Variants in CARMIL1 observed in about 807,000 individuals in gnomAD.
CARMIL1 encodes F-actin-uncapping protein LRRC16A.
A neutral mutation model predicts 177.1 loss-of-function variants in CARMIL1; 90 were observed. The ratio of observed to expected loss-of-function variants is 0.51; its 90% confidence interval spans 0.43 to 0.61. CARMIL1 has a LOEUF of 0.61. Among genes scored for constraint, CARMIL1 ranks in the 20% least tolerant of loss-of-function variants. The pLI is 0.00. For missense variants in CARMIL1, 1,380 were observed against 1,667.0 expected (o/e 0.83, Z 3.00); for synonymous variants, 577 against 606.2 (o/e 0.95, Z 0.71).
At chr6:25,454,252 AC>A (rs1030118862) in intron 8 of CARMIL1, among the ~76,000 whole-genome samples, 8 of 152,106 alleles carry the variant, frequency 5.3e-5, no homozygotes, top group African/African-American at 1.7e-4. Flanking sequence ...GATTTGGAAA[AC>A]TTTTTTTTTG....
At chr6:25,346,442 C>T (rs186379640) in intron 2 of CARMIL1, among the ~76,000 whole-genome samples, 107 of 152,346 alleles carry the variant, frequency 7.0e-4, no homozygotes, top group Non-Finnish European at 1.2e-3. Context: ...CTTCAAATGT[C>T]ACTTTTTCAG....
Position 25,579,375 on chromosome 6 carries a change from T to G in CARMIL1, c.2743-1549T>G, listed in dbSNP as rs549285784. Among the ~76,000 whole-genome samples the G allele has an allele frequency of 2.6e-5, 4 of 152,306 alleles. No homozygotes were observed. In the South Asian group the frequency reaches 8.3e-4, roughly 32 times the overall value. On this transcript the variant is annotated intron_variant, in intron 29 of 36. Coordinates refer to ENST00000329474, the MANE Select transcript of CARMIL1 (RefSeq NM_017640.6). ...TATCTGAAGCTACTTCTTGATTATT[T>G]TACCTACCATGATTGTGCACAAGAT...
chr6:25,428,635 G>A (rs924066470), intron 4 of CARMIL1, among the ~76,000 whole-genome samples: 1 of 152,160 alleles, frequency 6.6e-6, no homozygotes, highest in African/African-American at 2.4e-5. Flanking sequence ...TCTTAGTAAT[G>A]TACAGTCTTC....
chr6:25,473,299 G>A (rs1245681516), intron 11 of CARMIL1, among the ~76,000 whole-genome samples: 2 of 152,086 alleles, frequency 1.3e-5, no homozygotes, highest in Non-Finnish European at 2.9e-5. Context: ...ACCCTTGAAC[G>A]ACACAAGAGT....
chr6:25,378,777 T>G (rs377421724), intron 2 of CARMIL1, among the ~76,000 whole-genome samples: 1 of 81,946 alleles, frequency 1.2e-5, no homozygotes, highest in African/African-American at 6.4e-5. Flanking sequence ...GTAGTAAGTT[T>G]CTGGGTTTTT....
chr6:25,327,541 A>G (rs971125865), intron 2 of CARMIL1, among the ~76,000 whole-genome samples: 13 of 152,202 alleles, frequency 8.5e-5, no homozygotes, highest in African/African-American at 2.7e-4. Context: ...GTTTTCATTG[A>G]TTTCACTGGC....
chr6:25,408,900 A>G (rs984095326), intron 2 of CARMIL1, among the ~76,000 whole-genome samples: 1 of 152,152 alleles, frequency 6.6e-6, no homozygotes, highest in African/African-American at 2.4e-5. Context: ...GGAGAGTGCT[A>G]GGCACAGTAC....
intron 2 of CARMIL1, among the ~76,000 whole-genome samples, chr6:25,376,760 T>C (rs1274882232): frequency 2.0e-5 from 3 of 152,308 alleles, no homozygotes; most frequent in Non-Finnish European, 4.4e-5. Context: ...TTCAGGCCAG[T>C]AGGAGAGATG....
At chr6:25,445,935 G>A (rs1333688836) in intron 5 of CARMIL1, among the ~76,000 whole-genome samples, 3 of 152,190 alleles carry the variant, frequency 2.0e-5, no homozygotes, top group Admixed American at 1.3e-4. Context: ...CAGAACTCTT[G>A]TGTGGCCAGG....
intron 2 of CARMIL1, among the ~76,000 whole-genome samples, chr6:25,329,280 C>T (rs1327077346): frequency 7.2e-5 from 11 of 152,284 alleles, no homozygotes; most frequent in Non-Finnish European, 1.3e-4. Flanking sequence ...TAGCAGGAAT[C>T]GGAAGAGCTG....
At position 25,472,317 on chromosome 6, in the gene CARMIL1, T is replaced by C. The variant is rs557585244; in HGVS notation, c.780-110T>C. The C allele has an allele frequency of 1.4e-5, 10 of 718,450 alleles. No homozygotes were observed. The African/African-American group carries it at 1.6e-4, about 11-fold the overall frequency. The allele number at this position is 718,450 out of a possible 1,614,324, so 44.5% of individuals were successfully genotyped here. ...GAAATATATGCTATATAGACTAATA[T>C]TGTAAGGGAGGTTTCTCTATTTAGA... On this transcript the variant is annotated intron_variant, in intron 10 of 36. Coordinates refer to ENST00000329474, the MANE Select transcript of CARMIL1 (RefSeq NM_017640.6).
chr6:25,413,885 C>A (rs1795139544), intron 2 of CARMIL1, among the ~76,000 whole-genome samples: 1 of 152,012 alleles, frequency 6.6e-6, no homozygotes, highest in Admixed American at 6.6e-5. Context: ...AAAATTGCAG[C>A]CTAGGAGAAG....
chr6:25,351,384 T>C (rs1485900524), intron 2 of CARMIL1, among the ~76,000 whole-genome samples: 2 of 152,238 alleles, frequency 1.3e-5, no homozygotes, highest in African/African-American at 2.4e-5. Flanking sequence ...ACAGCACATA[T>C]TCTGTTTCTA....
At chr6:25,488,662 G>T in intron 13 of CARMIL1, 77 bp downstream of exon 13, 1 of 1,166,796 alleles carries the variant, frequency 8.6e-7, no homozygotes. Context: ...ACATGTCTTT[G>T]TAGTGCATTT....
At chr6:25,361,804 T>C (rs181877395) in intron 2 of CARMIL1, among the ~76,000 whole-genome samples, 1 of 152,254 alleles carries the variant, frequency 6.6e-6, no homozygotes, top group Admixed American at 6.5e-5. Context: ...AAGAGAGACC[T>C]GAGCTAGCAT....
At chr6:25,541,528 C>T (rs995970002) in intron 26 of CARMIL1, among the ~76,000 whole-genome samples, 2 of 152,156 alleles carry the variant, frequency 1.3e-5, no homozygotes, top group East Asian at 1.9e-4. Flanking sequence ...ATTATACTTT[C>T]ATATGGATTC....
intron 2 of CARMIL1, among the ~76,000 whole-genome samples, chr6:25,310,508 T>C (rs1476390045): frequency 1.3e-5 from 2 of 152,220 alleles, no homozygotes; most frequent in Admixed American, 6.5e-5. Context: ...AGGGTAAGTA[T>C]TGTTGCATGA....
At chr6:25,588,371 G>T (rs1813974680) in intron 31 of CARMIL1, among the ~76,000 whole-genome samples, 1 of 152,178 alleles carries the variant, frequency 6.6e-6, no homozygotes, top group Admixed American at 6.5e-5. Flanking sequence ...CACTACAGTT[G>T]TCAGGGATCC....
At chr6:25,418,191 G>A (rs1371598940) in intron 2 of CARMIL1, among the ~76,000 whole-genome samples, 1 of 152,094 alleles carries the variant, frequency 6.6e-6, no homozygotes, top group Non-Finnish European at 1.5e-5. Flanking sequence ...CAGTTTCCCG[G>A]GATGCAGGAT....
Sources: allele counts gnomAD v4.1 joint callset (sites outside exome capture counted in the v4.1 genomes callset), GRCh38; gene constraint gnomAD v4.1.1; transcripts MANE v1.5; gene names NCBI Gene and HGNC (gene_info 2026-07-23, HGNC 2026-07-21).